LDB2: variants seen among roughly 807,000 people sequenced by gnomAD.
LDB2 encodes LIM domain-binding protein 2.
LDB2 carries 12 observed loss-of-function variants against 44.3 expected under a neutral mutation model. The observed-to-expected ratio is 0.27, with a 90% CI of 0.17 to 0.44. The LOEUF (loss-of-function observed/expected upper bound fraction) is 0.44. LDB2 is among the 20% of genes least tolerant of loss of function. The pLI is 1.00. For synonymous variants in LDB2, 164 were observed against 174.8 expected, an observed-to-expected ratio of 0.94 and a Z score of 0.49; for missense variants, 344 against 473.5, an observed-to-expected ratio of 0.73 and a Z score of 2.54.
chr4:16,812,631 A>ATGTGTG (rs5856389), intron 1 of LDB2, among the ~76,000 whole-genome samples: 27,764 of 125,588 alleles, frequency 0.22, 3,338 homozygotes, highest in Middle Eastern at 0.34. Flanking sequence ...TATTAAATAT[A>ATGTGTG]TGTGTGTGTG....
chr4:16,760,147 C>A (rs958256147), intron 1 of LDB2, among the ~76,000 whole-genome samples: 1 of 152,216 alleles, frequency 6.6e-6, no homozygotes, highest in East Asian at 1.9e-4. Context: ...TTCTTAAGCA[C>A]CATGTTTTTC....
Position 16,575,824 on chromosome 4 carries a change from G to A in LDB2, c.615+10098C>T, listed in dbSNP as rs144771139. Among the ~76,000 whole-genome samples the A allele has an allele frequency of 8.1e-3, 1,238 of 152,288 alleles. 16 individuals are homozygous for A. Among genetic ancestry groups the A allele is most frequent in the Middle Eastern group, 0.034 (10 of 294 alleles). On this transcript the variant is annotated intron_variant, in intron 5 of 7. Transcript: ENST00000304523. The stretch of plus-strand genomic sequence containing the variant: ...ACAATCTCAGCTCACTGCAACCTCC[G>A]CCTCCTGGGTTCAAGCAATTCTCTG...
intron 1 of LDB2, among the ~76,000 whole-genome samples, chr4:16,852,750 A>G (rs1206774185): frequency 2.0e-5 from 3 of 152,188 alleles, no homozygotes; most frequent in Admixed American, 6.5e-5. Flanking sequence ...TTATTTTCCT[A>G]TGGTAAATAT....
chr4:16,890,768 G>A (rs1406163642), intron 1 of LDB2, among the ~76,000 whole-genome samples: 2 of 152,134 alleles, frequency 1.3e-5, no homozygotes, highest in African/African-American at 4.8e-5. Context: ...TGGATCAAAT[G>A]AGGAGATCTA....
At chr4:16,612,280 C>T (rs1004066565) in intron 2 of LDB2, among the ~76,000 whole-genome samples, 2 of 152,108 alleles carry the variant, frequency 1.3e-5, no homozygotes, top group African/African-American at 4.8e-5. Flanking sequence ...CTCAAATCGA[C>T]ACCCTAACAT....
intron 5 of LDB2, among the ~76,000 whole-genome samples, chr4:16,583,811 G>A (rs1265613343): frequency 2.6e-5 from 4 of 152,130 alleles, no homozygotes; most frequent in Non-Finnish European, 4.4e-5. Context: ...AAGACCTGAG[G>A]ATCATTCCCT....
At chr4:16,563,148 A>T (rs1221695889) in intron 5 of LDB2, among the ~76,000 whole-genome samples, 1 of 151,892 alleles carries the variant, frequency 6.6e-6, no homozygotes, top group East Asian at 1.9e-4. Context: ...GCACACCAGC[A>T]TGGCACATGT....
intron 4 of LDB2, among the ~76,000 whole-genome samples, chr4:16,586,511 C>A (rs1184229443): frequency 0.017 from 1,498 of 87,244 alleles, 28 homozygotes; most frequent in African/African-American, 0.056. Flanking sequence ...CACACACACA[C>A]ACACACACAC....
intron 1 of LDB2, among the ~76,000 whole-genome samples, chr4:16,872,046 AT>A (rs1245204194): frequency 2.0e-5 from 3 of 152,178 alleles, no homozygotes; most frequent in African/African-American, 4.8e-5. Context: ...ATAATAAAAA[AT>A]ATTGTATATT....
chr4:16,539,225 T>G (rs779460934), intron 5 of LDB2, among the ~76,000 whole-genome samples: 1 of 151,882 alleles, frequency 6.6e-6, no homozygotes, highest in Admixed American at 6.6e-5. Flanking sequence ...GGATTAAGCT[T>G]TGGGAGACAG....
intron 5 of LDB2, among the ~76,000 whole-genome samples, chr4:16,529,712 T>C (rs952676198): frequency 6.6e-5 from 10 of 152,238 alleles, no homozygotes; most frequent in African/African-American, 2.4e-4. Flanking sequence ...GAGAGCATCC[T>C]TGTCCCCTGG....
chr4:16,888,832 G>A (rs1722502271), intron 1 of LDB2: 1 of 533,512 alleles, frequency 1.9e-6, no homozygotes, highest in African/African-American at 2.1e-5. Context: ...AGGAAATTGA[G>A]GCTCAGAAAA....
intron 5 of LDB2, among the ~76,000 whole-genome samples, chr4:16,585,214 G>T (rs1716321266): frequency 1.3e-5 from 2 of 152,150 alleles, no homozygotes; most frequent in Non-Finnish European, 2.9e-5. Context: ...CAGCTACCCT[G>T]GCTGGGAGCA....
At chr4:16,511,066 A>G (rs1478836608) in intron 6 of LDB2, among the ~76,000 whole-genome samples, 1 of 152,200 alleles carries the variant, frequency 6.6e-6, no homozygotes, top group Non-Finnish European at 1.5e-5. Flanking sequence ...ACATAAAATA[A>G]CACTTATTTT....
rs1401214634 is a variant in LDB2 at position 16,827,903 on chromosome 4, TC to T, written c.133-68644del. Among the ~76,000 whole-genome samples the T allele has an allele frequency of 2.0e-5, 3 of 152,148 alleles. No individual in the cohort carries two copies. The East Asian group carries it at 5.8e-4, about 29-fold the overall frequency. ...TTTCAGGATTTCGTATCCTCTTATC[TC>T]CTAACGGCCATCAGGCAGAAAGGAG... is the stretch of plus-strand genomic sequence containing the variant. On this transcript the variant is annotated intron_variant, in intron 1 of 7. Transcript: ENST00000304523.
At chr4:16,673,261 G>C (rs17491802) in intron 2 of LDB2, among the ~76,000 whole-genome samples, 1 of 152,140 alleles carries the variant, frequency 6.6e-6, no homozygotes, top group Non-Finnish European at 1.5e-5. Flanking sequence ...TCTTACCTTC[G>C]AGGGTTTCCA....
intron 5 of LDB2, among the ~76,000 whole-genome samples, chr4:16,562,588 A>G (rs1322589514): frequency 6.6e-6 from 1 of 152,240 alleles, no homozygotes; most frequent in Non-Finnish European, 1.5e-5. Context: ...GAGGATGTGG[A>G]CAAATAGGAA....
chr4:16,654,665 A>G (rs1739270150), intron 2 of LDB2, among the ~76,000 whole-genome samples: 1 of 152,216 alleles, frequency 6.6e-6, no homozygotes, highest in Non-Finnish European at 1.5e-5. Context: ...ATCTTAAGAG[A>G]TAAATGTAGA....
At chr4:16,733,940 T>A (rs1761301394) in intron 2 of LDB2, among the ~76,000 whole-genome samples, 1 of 152,196 alleles carries the variant, frequency 6.6e-6, no homozygotes, top group African/African-American at 2.4e-5. Context: ...ATCTGAATAC[T>A]TGGGAGAGAC....
Sources: gnomAD v4.1 joint callset for allele counts (sites outside exome capture counted in the v4.1 genomes callset) on GRCh38, gnomAD v4.1.1 for gene constraint, MANE v1.5 for transcripts, NCBI Gene and HGNC (gene_info 2026-07-23, HGNC 2026-07-21) for gene names.